The following FAM120C variants were observed in gnomAD, a reference collection of about 807,000 sequenced individuals.
FAM120C encodes constitutive coactivator of PPAR-gamma-like protein 2.
A neutral mutation model predicts 71.2 loss-of-function variants in FAM120C; 14 were observed. The ratio of observed to expected loss-of-function variants is 0.20; its 90% CI spans 0.13 to 0.31. The LOEUF is 0.31. Ranked by LOEUF, FAM120C falls within the 10% of genes least tolerant of loss-of-function variation. The probability of loss-of-function intolerance (pLI) is 1.00; values close to 1 mark genes in which losing one functional copy is unlikely to be tolerated. For missense variants in FAM120C, 500 were observed against 879.0 expected, an observed-to-expected ratio of 0.57 and a Z score of 5.45; for synonymous variants, 354 against 353.2, an observed-to-expected ratio of 1.00 and a Z score of -0.03.
intron 10 of FAM120C, among the ~76,000 whole-genome samples, chrX:54,092,286 G>A (rs183914699): frequency 9.9e-5 from 11 of 111,328 alleles, no homozygotes; most frequent in African/African-American, 2.6e-4. Flanking sequence ...GCTCATGCCT[G>A]TAATCCTAGC....
chrX:54,169,994 G>GA (rs1174028383), intron 1 of FAM120C, among the ~76,000 whole-genome samples: 9 of 111,794 alleles, frequency 8.1e-5, no homozygotes, highest in African/African-American at 2.6e-4. Flanking sequence ...TCAACTGTAG[G>GA]AATTTCAATT....
At chrX:54,113,336 T>A (rs782520119) in intron 10 of FAM120C, among the ~76,000 whole-genome samples, 7 of 108,968 alleles carry the variant, frequency 6.4e-5, no homozygotes, top group African/African-American at 2.3e-4. Flanking sequence ...GGCGTGCACC[T>A]GTAATCCCAG....
intron 15 of FAM120C, among the ~76,000 whole-genome samples, chrX:54,078,864 G>A (rs898189885): frequency 9.1e-6 from 1 of 110,197 alleles, no homozygotes; most frequent in Admixed American, 9.8e-5. Context: ...CCAAGGCATG[G>A]ATTAGAAGAA....
At chrX:54,124,209 G>GAGGC (rs1557127576) in intron 9 of FAM120C, among the ~76,000 whole-genome samples, 2 of 21,120 alleles carry the variant, frequency 9.5e-5, no homozygotes. Flanking sequence ...GGAGCCTACA[G>GAGGC]AGGCAGGCAG....
chrX:54,111,545 A>T (rs201939649), intron 10 of FAM120C, among the ~76,000 whole-genome samples: 1 of 1,268 alleles, frequency 7.9e-4, no homozygotes, highest in Admixed American at 0.023. Flanking sequence ...CAATAGCTAC[A>T]AAAAAAAAAA....
At chrX:54,143,418 G>A (rs1402285180) in intron 4 of FAM120C, among the ~76,000 whole-genome samples, 1 of 111,106 alleles carries the variant, frequency 9.0e-6, no homozygotes, top group African/African-American at 3.3e-5. Context: ...TAGACCGCTA[G>A]CAAGACTAAT....
chrX:54,144,365 G>C (rs1321960818), intron 4 of FAM120C, among the ~76,000 whole-genome samples: 4 of 98,094 alleles, frequency 4.1e-5, no homozygotes, highest in Admixed American at 2.3e-4. Flanking sequence ...GGAAAAGAGG[G>C]AGTCAAATTG....
At chrX:54,158,780 A>C (rs2067222632) in intron 2 of FAM120C, among the ~76,000 whole-genome samples, 1 of 111,709 alleles carries the variant, frequency 9.0e-6, no homozygotes, top group Non-Finnish European at 1.9e-5. Context: ...AAAATAAATA[A>C]AATAAAATAA....
chrX:54,111,728 T>A (rs1403976246), intron 10 of FAM120C, among the ~76,000 whole-genome samples: 1 of 112,102 alleles, frequency 8.9e-6, no homozygotes, highest in Non-Finnish European at 1.9e-5. Flanking sequence ...ATCTACAGAT[T>A]AAATGTAATT....
At chrX:54,111,609 C>T (rs1557125750) in intron 10 of FAM120C, among the ~76,000 whole-genome samples, 1 of 109,509 alleles carries the variant, frequency 9.1e-6, no homozygotes, top group Non-Finnish European at 1.9e-5. Flanking sequence ...AGGAAAACTA[C>T]AAAACACAGA....
chrX:54,142,256 A>G (rs1413031541), intron 4 of FAM120C, among the ~76,000 whole-genome samples: 1 of 111,433 alleles, frequency 9.0e-6, no homozygotes, highest in East Asian at 2.8e-4. Flanking sequence ...TGCTGGGTGC[A>G]GCCCACAGAA....
At chrX:54,087,312 A>G (rs1237469632) in intron 12 of FAM120C, among the ~76,000 whole-genome samples, 1 of 221 alleles carries the variant, frequency 4.5e-3, no homozygotes, top group Non-Finnish European at 0.038. Context: ...ACTCCGTCTA[A>G]AAAAAAAAAA....
intron 15 of FAM120C, among the ~76,000 whole-genome samples, chrX:54,076,770 G>C (rs2066737892): frequency 8.9e-6 from 1 of 112,047 alleles, no homozygotes; most frequent in Non-Finnish European, 1.9e-5. Flanking sequence ...TAGAACATAT[G>C]TGTTTGGCAC....
intron 15 of FAM120C, 31 bp from the exon 16 acceptor site, chrX:54,073,318 G>A (rs2066719777): frequency 8.5e-7 from 1 of 1,175,020 alleles, no homozygotes; most frequent in African/African-American, 1.8e-5. Context: ...CAGTGGAAAT[G>A]GGAATCCCAG....
intron 4 of FAM120C, among the ~76,000 whole-genome samples, chrX:54,150,684 G>A: frequency 9.0e-6 from 1 of 111,124 alleles, no homozygotes; most frequent in Non-Finnish European, 1.9e-5. Flanking sequence ...TTGTTTATGG[G>A]TAATGATATT....
chrX:54,126,260 G>A (rs781907897), intron 9 of FAM120C, among the ~76,000 whole-genome samples: 11 of 112,217 alleles, frequency 9.8e-5, no homozygotes, highest in African/African-American at 3.6e-4. Context: ...GCAGTAGAAA[G>A]AGCAGACATT....
At chrX:54,090,425 G>A (rs1222486151) in intron 11 of FAM120C, among the ~76,000 whole-genome samples, 1 of 110,005 alleles carries the variant, frequency 9.1e-6, no homozygotes, top group Non-Finnish European at 1.9e-5. Flanking sequence ...TAGAGACAGG[G>A]TTTCACCATG....
Position 54,080,215 on chromosome X carries a change from T to C in FAM120C, c.3036+17A>G. On this transcript the variant is annotated intron_variant, in intron 15 of 15. Transcript: ENST00000375180. Reference sequence around the variant, plus strand: ...GGCATCAAACAGAAGCTAAATAATCTCAAAAAAAATACTTACTTGCTTATT... The same window carrying C: ...GGCATCAAACAGAAGCTAAATAATCCCAAAAAAAATACTTACTTGCTTATT... The C allele has an allele frequency of 8.4e-7, 1 of 1,191,495 alleles. No homozygotes were observed. The highest frequency in any genetic ancestry group is 1.1e-6 in the Non-Finnish European group (1 of 878,116).
At chrX:54,104,747 G>A (rs984846580) in intron 10 of FAM120C, among the ~76,000 whole-genome samples, 4 of 109,367 alleles carry the variant, frequency 3.7e-5, no homozygotes, top group African/African-American at 1.3e-4. Context: ...GGCGGAGGTT[G>A]CAGTGAGCCA....
Sources: gnomAD v4.1 joint callset for allele counts (sites outside exome capture counted in the v4.1 genomes callset) on GRCh38, gnomAD v4.1.1 for gene constraint, MANE v1.5 for transcripts, NCBI Gene and HGNC (gene_info 2026-07-23, HGNC 2026-07-21) for gene names.